KLF15: variants seen among roughly 807,000 people sequenced by gnomAD.
KLF15 encodes Krueppel-like factor 15.
Under a neutral mutation model 24.6 loss-of-function variants are expected in KLF15, and 4 were observed. The observed-to-expected ratio is 0.16, with a 90% CI of 0.08 to 0.37. The LOEUF (loss-of-function observed/expected upper bound fraction) is 0.37. KLF15 is among the 10% of genes least tolerant of loss of function. The probability of loss-of-function intolerance (pLI) is 1.00; values close to 1 mark genes in which losing one functional copy is unlikely to be tolerated. For missense variants in KLF15, 496 were observed against 560.6 expected (o/e 0.88, Z 1.16); for synonymous variants, 246 against 236.3 (o/e 1.04, Z -0.37).
At chr3:126,326,129 G>A in the KLF15 span, among the ~76,000 whole-genome samples, 7 of 74,918 alleles carry the variant, frequency 9.3e-5, no homozygotes, top group South Asian at 3.7e-3. Context: ...GTAGATATGC[G>A]GCATTATTTC....
the KLF15 span, among the ~76,000 whole-genome samples, chr3:126,329,234 A>C: frequency 6.6e-6 from 1 of 152,164 alleles, no homozygotes; most frequent in Admixed American, 6.5e-5. Context: ...ACTTATATTA[A>C]ATAGCCATAT....
chr3:126,331,786 C>T, the KLF15 span, among the ~76,000 whole-genome samples: 16 of 152,322 alleles, frequency 1.1e-4, no homozygotes, highest in African/African-American at 3.1e-4. Context: ...CGAAGCAGGG[C>T]GAGGCATTGC....
rs987637860 is a variant in KLF15 at position 126,356,805 on chromosome 3, C to T, written c.-26+432G>A. Among the ~76,000 whole-genome samples the T allele has an allele frequency of 1.3e-5, 2 of 151,960 alleles. No homozygotes were observed. Among genetic ancestry groups the T allele is most frequent in the African/African-American group, 2.4e-5 (1 of 41,404 alleles). On this transcript the variant is annotated intron_variant, in intron 1 of 2. Transcript: ENST00000296233. This position sits in a 1 kb window ranked among gnomAD's most constrained non-coding sequence, Gnocchi z 4.4. ...CCATGCCCTCGTCCCACGCCCCCCC[C>T]TTGCCCCCGACACTGCTGCGGTGAC...
At chr3:126,319,716 A>C in the KLF15 span, among the ~76,000 whole-genome samples, 6 of 152,216 alleles carry the variant, frequency 3.9e-5, no homozygotes, top group Admixed American at 1.3e-4. Flanking sequence ...CTACGGGCAT[A>C]TCAAGGCTTT....
chr3:126,301,594 TTTC>T, the KLF15 span, among the ~76,000 whole-genome samples: 2 of 149,826 alleles, frequency 1.3e-5, no homozygotes, highest in Admixed American at 1.3e-4. Context: ...TTCTGCTTTC[TTTC>T]TTTTTTCTTT....
At chr3:126,329,759 G>GA in the KLF15 span, among the ~76,000 whole-genome samples, 71 of 120,584 alleles carry the variant, frequency 5.9e-4, no homozygotes, top group East Asian at 2.2e-3. Flanking sequence ...TCCCCATACA[G>GA]AAAAAAAAAA....
the KLF15 span, among the ~76,000 whole-genome samples, chr3:126,319,416 G>A: frequency 6.6e-6 from 1 of 152,222 alleles, no homozygotes; most frequent in African/African-American, 2.4e-5. Context: ...CAATGACTGA[G>A]AGTTGCTCCA....
At chr3:126,297,570 C>G in the KLF15 span, among the ~76,000 whole-genome samples, 1 of 151,814 alleles carries the variant, frequency 6.6e-6, no homozygotes, top group Non-Finnish European at 1.5e-5. Flanking sequence ...CAGTGTGCAC[C>G]GTACCCAGTA....
the KLF15 span, among the ~76,000 whole-genome samples, chr3:126,317,914 C>T: frequency 9.9e-5 from 15 of 152,278 alleles, no homozygotes; most frequent in Admixed American, 7.8e-4. Flanking sequence ...GCTGCAAACC[C>T]GTACAGATTT....
chr3:126,338,457 A>G (rs753635862), downstream of KLF15, among the ~76,000 whole-genome samples: 7 of 152,124 alleles, frequency 4.6e-5, no homozygotes, highest in Admixed American at 2.0e-4. Context: ...CTGTTCAACA[A>G]CTCACCAATT....
At chr3:126,323,435 AACATATATATGTTATATATATATAT>A in the KLF15 span, among the ~76,000 whole-genome samples, 15 of 54,852 alleles carry the variant, frequency 2.7e-4, no homozygotes, top group Non-Finnish European at 4.6e-4. Flanking sequence ...ATATATATAT[AACATATATATGTTATATATATATAT>A]AACATATATA....
the KLF15 span, among the ~76,000 whole-genome samples, chr3:126,301,819 T>G: frequency 2.0e-5 from 3 of 151,980 alleles, no homozygotes; most frequent in African/African-American, 7.3e-5. Flanking sequence ...TTCACTATGT[T>G]GACCAGGCTG....
chr3:126,292,306 A>C, the KLF15 span, among the ~76,000 whole-genome samples: 4 of 152,108 alleles, frequency 2.6e-5, no homozygotes, highest in Admixed American at 1.3e-4. Context: ...TGTCACCCCA[A>C]GTGACTCTCC....
the KLF15 span, among the ~76,000 whole-genome samples, chr3:126,302,235 GA>G: frequency 6.6e-6 from 1 of 152,122 alleles, no homozygotes; most frequent in Non-Finnish European, 1.5e-5. Context: ...GTTATAATAT[GA>G]AAATAGACTT....
At chr3:126,327,007 A>G in the KLF15 span, among the ~76,000 whole-genome samples, 18 of 152,208 alleles carry the variant, frequency 1.2e-4, no homozygotes, top group East Asian at 1.5e-3. Context: ...ACATTCATCA[A>G]AACTAGGAAA....
chr3:126,338,226 C>G (rs1224601421), downstream of KLF15, among the ~76,000 whole-genome samples: 1 of 152,170 alleles, frequency 6.6e-6, no homozygotes, highest in Non-Finnish European at 1.5e-5. Flanking sequence ...CCAACCAGCC[C>G]AAGGTGGGAA....
chr3:126,343,157 C>CT lies in KLF15; in HGVS notation c.*569_*570insA. ...GGGCCCAGCGGCCCGGTCCTGCCCC[C>CT]CCCCCCCCCCCCCCCCCCCCCCGGC... is the stretch of plus-strand genomic sequence containing the variant. On this transcript the variant is annotated 3_prime_UTR_variant, in exon 3 of 3. Transcript: ENST00000296233. 7.7e-5 allele frequency: 1 copy of CT among 12,910 alleles called. No homozygotes were observed. The highest frequency in any genetic ancestry group is 2.7e-4 in the Admixed American group (1 of 3,704). 0.8% of individuals were successfully genotyped at this position (12,910 alleles called of 1,614,324 possible). A position where few individuals can be genotyped will look rare whatever the true frequency, so the allele number is the denominator to read the frequency against.
the KLF15 span, among the ~76,000 whole-genome samples, chr3:126,308,489 G>A: frequency 2.2e-4 from 34 of 152,302 alleles, no homozygotes; most frequent in Non-Finnish European, 3.5e-4. Flanking sequence ...TGCACGTCCC[G>A]GTGTCTGCCG....
the KLF15 span, among the ~76,000 whole-genome samples, chr3:126,306,693 A>T: frequency 6.6e-6 from 1 of 152,262 alleles, no homozygotes; most frequent in Non-Finnish European, 1.5e-5. Flanking sequence ...GCCTATTCAT[A>T]TGAAGCCCTG....
Sources: allele counts gnomAD v4.1 joint callset (sites outside exome capture counted in the v4.1 genomes callset), GRCh38; gene constraint gnomAD v4.1.1; non-coding constraint Gnocchi (gnomAD v3.1); transcripts MANE v1.5; gene names NCBI Gene and HGNC (gene_info 2026-07-23, HGNC 2026-07-21).